The following TIPIN variants were observed in gnomAD, a reference collection of about 807,000 sequenced individuals.
TIPIN encodes TIMELESS-interacting protein.
In TIPIN, 29 loss-of-function variants were observed where a neutral mutation model predicts 35.6. That is an observed-to-expected ratio of 0.82 (90% CI 0.61 to 1.11). TIPIN has a LOEUF of 1.11. Ranked by LOEUF, TIPIN falls within the 50% of genes most tolerant of loss-of-function variation. TIPIN has a pLI of 0.00. For missense variants in TIPIN, 296 were observed against 345.4 expected, an observed-to-expected ratio of 0.86 and a Z score of 1.13; for synonymous variants, 102 against 121.5, an observed-to-expected ratio of 0.84 and a Z score of 1.06.
upstream of TIPIN, among the ~76,000 whole-genome samples, chr15:66,358,794 A>C (rs2093218271): frequency 6.6e-6 from 1 of 152,120 alleles, no homozygotes; most frequent in Non-Finnish European, 1.5e-5. Flanking sequence ...CTGTAATCCC[A>C]GCACTTTGGG....
At chr15:66,359,818 C>A (rs141052696), upstream of TIPIN, among the ~76,000 whole-genome samples, 184 of 152,292 alleles carry the variant, frequency 1.2e-3, 1 homozygote, top group African/African-American at 4.2e-3. Context: ...ACCTTCCCCA[C>A]GCCGCCCCCA....
At chr15:66,361,785 A>G (rs1447062388) in intron 1 of TIPIN, among the ~76,000 whole-genome samples, 2 of 151,992 alleles carry the variant, frequency 1.3e-5, no homozygotes, top group African/African-American at 4.8e-5. Context: ...AGGCGGGCAG[A>G]TCACCTGAGG....
At position 66,379,614 on chromosome 15, in the gene TIPIN, A is replaced by G. The variant is rs116866413; in HGVS notation, c.-9+6993T>C. The G allele has an allele frequency of 6.7e-4, 1,083 of 1,610,192 alleles. 17 individuals are homozygous for G. The East Asian group carries it at 0.022, about 32-fold the overall frequency. On this transcript the variant is annotated intron_variant, in intron 1 of 7. Coordinates refer to the TIPIN transcript ENST00000562124. ...CCCATTCTCCGGGATAACGACGATG[A>G]TGGGGAAGTAAGCATACACAGACCT... is the stretch of plus-strand genomic sequence containing the variant.
chr15:66,373,584 C>T (rs1001013406), intron 1 of TIPIN, among the ~76,000 whole-genome samples: 7 of 152,020 alleles, frequency 4.6e-5, no homozygotes, highest in African/African-American at 1.7e-4. Context: ...TAGAAGATAT[C>T]GCCAGTTTTC....
At chr15:66,357,221 G>C (rs1002699712), upstream of TIPIN, among the ~76,000 whole-genome samples, 2 of 152,068 alleles carry the variant, frequency 1.3e-5, no homozygotes, top group Non-Finnish European at 1.5e-5. Context: ...CACTGTGCCC[G>C]GCACTTTAAA....
At chr15:66,356,741 T>C, upstream of TIPIN, 1 of 985,384 alleles carries the variant, frequency 1.0e-6, no homozygotes, top group Non-Finnish European at 1.2e-6. Flanking sequence ...CCCGCAGCGT[T>C]TGGCGCCAAA....
chr15:66,364,228 C>T (rs894226557), intron 1 of TIPIN, among the ~76,000 whole-genome samples: 49 of 137,822 alleles, frequency 3.6e-4, no homozygotes, highest in Non-Finnish European at 5.9e-4. Flanking sequence ...TGCAGCAATG[C>T]GATCTCGACT....
intron 4 of TIPIN, 99 bp from the exon 5 acceptor site, chr15:66,349,536 G>A: frequency 2.8e-6 from 4 of 1,439,938 alleles, no homozygotes; most frequent in Admixed American, 2.3e-5. Flanking sequence ...AAATCACTGG[G>A]GTCATTTTAT....
chr15:66,379,059 T>A (rs949536091), intron 1 of TIPIN, among the ~76,000 whole-genome samples: 24 of 146,696 alleles, frequency 1.6e-4, no homozygotes, highest in Non-Finnish European at 3.3e-4. Context: ...GTGCACAAAG[T>A]TTTTTTTTTT....
chr15:66,352,020 G>T, intron 3 of TIPIN, 109 bp downstream of exon 3: 1 of 910,670 alleles, frequency 1.1e-6, no homozygotes, highest in Admixed American at 3.3e-5. Flanking sequence ...AAAGTTTTTA[G>T]AAATATAAGA....
intron 6 of TIPIN, among the ~76,000 whole-genome samples, chr15:66,345,327 C>T (rs572218354): frequency 2.7e-4 from 41 of 152,064 alleles, no homozygotes; most frequent in Non-Finnish European, 5.9e-4. Context: ...CCTGTAATCC[C>T]GGCACGTTGG....
chr15:66,384,288 C>T (rs1309500440), intron 1 of TIPIN, among the ~76,000 whole-genome samples: 3 of 144,934 alleles, frequency 2.1e-5, no homozygotes, highest in Non-Finnish European at 3.0e-5. Context: ...TGAGCCACCG[C>T]GCCCGGCCTA....
intron 1 of TIPIN, among the ~76,000 whole-genome samples, chr15:66,366,177 C>T (rs1015374433): frequency 2.0e-5 from 3 of 151,588 alleles, no homozygotes; most frequent in South Asian, 2.1e-4. Flanking sequence ...GGGGGTTGGC[C>T]GGGCGCAGTG....
At chr15:66,365,288 A>G (rs572406289) in intron 1 of TIPIN, among the ~76,000 whole-genome samples, 127 of 129,176 alleles carry the variant, frequency 9.8e-4, no homozygotes, top group African/African-American at 3.2e-3. Context: ...CATTATACAT[A>G]ATACATAATA....
In TIPIN at chr15:66,352,900, C is replaced by T. The variant is rs202159988; in HGVS notation, c.48G>A (p.Glu16=). The stretch of plus-strand genomic sequence containing the variant: ...GAGGAAAAGTTTCATCTTCTACATG[C>T]TCATAATCTGGTAGGTCAATCACGC... ...ENGVIDLPDY[E]HVEDETFPPF... The change falls in exon 2 of 8, where the codon GAG becomes GAA. Residue 16 remains glutamate (E), a synonymous_variant. Coordinates refer to ENST00000261881, the MANE Select transcript of TIPIN (RefSeq NM_017858.3). 141 of 1,613,956 alleles carry T rather than the reference C, an allele frequency of 8.7e-5. No individual in the cohort carries two copies. Among genetic ancestry groups the T allele is most frequent in the Non-Finnish European group, 1.1e-4 (133 of 1,180,018 alleles).
Position 66,352,219 on chromosome 15 carries a change from A to C in TIPIN, c.134-12T>G. ...TCCATTTCCTGACTCTGGTGAAACA[A>C]ACCACGATTCAGTATTACTGTACTT... On this transcript the variant is annotated splice_polypyrimidine_tract_variant and intron_variant, in intron 2 of 7. Coordinates refer to ENST00000261881, the MANE Select transcript of TIPIN (RefSeq NM_017858.3). The C allele has an allele frequency of 1.3e-6, 2 of 1,571,406 alleles. No homozygotes were observed. Among genetic ancestry groups the C allele is most frequent in the Non-Finnish European group, 1.7e-6 (2 of 1,150,936 alleles).
At chr15:66,379,784 T>G (rs2093311337) in intron 1 of TIPIN, 1 of 1,602,332 alleles carries the variant, frequency 6.2e-7, no homozygotes, top group Admixed American at 1.7e-5. Context: ...GAAGACTGAG[T>G]TCTACATTGA....
chr15:66,352,163 CTG>C lies in TIPIN; in HGVS notation c.176_177del (p.Thr59SerfsTer2). 2 of 1,610,754 alleles carry C rather than the reference CTG, an allele frequency of 1.2e-6. No homozygotes were observed. Among genetic ancestry groups the C allele is most frequent in the East Asian group, 4.5e-5 (2 of 44,760 alleles). ...GAPVRVPPKR[T>X]VKRNIPKLDA... is the part of the protein sequence containing the mutation. ...TCCAGCTTGGGTATATTTCTTTTAACTGTTCTCTTTGGAGGTACACGAACAGG... is the reference window on the plus strand; with the variant it reads ...TCCAGCTTGGGTATATTTCTTTTAACTTCTCTTTGGAGGTACACGAACAGG... On this transcript the variant is annotated frameshift_variant, in exon 3 of 8. Transcript: ENST00000261881. LOFTEE classifies it high-confidence loss of function.
chr15:66,356,982 T>A (rs2093208580), upstream of TIPIN, among the ~76,000 whole-genome samples: 1 of 152,148 alleles, frequency 6.6e-6, no homozygotes. Context: ...AGTGATTCGA[T>A]CTCGGCTGAC....
Sources: allele counts gnomAD v4.1 joint callset (sites outside exome capture counted in the v4.1 genomes callset), GRCh38; gene constraint gnomAD v4.1.1; transcripts MANE v1.5; gene names NCBI Gene and HGNC (gene_info 2026-07-23, HGNC 2026-07-21).